Variants in CDC5L observed in about 807,000 individuals in gnomAD.
CDC5L encodes cell division cycle 5 like.
CDC5L carries 18 observed loss-of-function variants against 104.1 expected under a neutral mutation model. That is an observed-to-expected ratio of 0.17 (90% CI 0.12 to 0.26). The LOEUF (loss-of-function observed/expected upper bound fraction) is 0.26. Among genes scored for constraint, CDC5L ranks in the 10% least tolerant of loss-of-function variants. The pLI is 1.00. For missense variants in CDC5L, 673 were observed against 956.9 expected, an observed-to-expected ratio of 0.70 and a Z score of 3.91; for synonymous variants, 331 against 322.7, an observed-to-expected ratio of 1.03 and a Z score of -0.28.
chr6:44,426,430 TTAATA>T (rs1393580673), intron 12 of CDC5L, 47 bp from the exon 13 acceptor site: 2 of 1,060,238 alleles, frequency 1.9e-6, no homozygotes, highest in African/African-American at 3.2e-5. Context: ...GGTAATAACA[TTAATA>T]TATTATAGTG....
At chr6:44,445,571 T>C in intron 14 of CDC5L, 84 bp from the exon 15 acceptor site, 2 of 884,538 alleles carry the variant, frequency 2.3e-6, no homozygotes, top group South Asian at 3.4e-5. Flanking sequence ...GACACATACA[T>C]GAACGCATGG....
At chr6:44,429,580 C>A in intron 13 of CDC5L, 133 bp from the exon 14 acceptor site, 1 of 677,884 alleles carries the variant, frequency 1.5e-6, no homozygotes, top group Admixed American at 2.8e-5. Flanking sequence ...TTGTTATCCA[C>A]CCTTCCAAAA....
At chr6:44,434,421 G>A (rs1442560997) in intron 14 of CDC5L, among the ~76,000 whole-genome samples, 2 of 152,156 alleles carry the variant, frequency 1.3e-5, no homozygotes, top group East Asian at 3.9e-4. Context: ...AAGGTTCACT[G>A]ATAAAAATGC....
In CDC5L at chr6:44,445,835, C is replaced by G; in HGVS notation, c.2272C>G (p.His758Asp). ...ELRTFEELKK[H>D]EDSAIPRRLE... Reference sequence around the variant, plus strand: ...ACGCACTTTTGAAGAACTCAAGAAACATGAAGATTCTGCTATTCCCCGGAG... The same window carrying G: ...ACGCACTTTTGAAGAACTCAAGAAAGATGAAGATTCTGCTATTCCCCGGAG... The change falls in exon 15 of 16, where the codon CAT (histidine) becomes GAT (aspartate). Residue 758 changes from histidine to aspartate, a missense_variant. By Grantham distance (81) the His-to-Asp change is moderately conservative. Coordinates refer to ENST00000371477, the MANE Select transcript of CDC5L (RefSeq NM_001253.4). 1.2e-6 allele frequency: 2 copies of G among 1,613,792 alleles called. No homozygotes were observed. The highest frequency in any genetic ancestry group is 1.7e-6 in the Non-Finnish European group (2 of 1,179,774).
rs1233870440 is a variant in CDC5L at position 44,448,615 on chromosome 6, TAATTC to T, written c.*1907_*1911del. The T allele has an allele frequency of 6.6e-6, 1 of 151,564 alleles. No individual in the cohort carries two copies. The highest frequency in any genetic ancestry group is 1.5e-5 in the Non-Finnish European group (1 of 67,978). The allele number at this position is 151,564 out of a possible 1,614,324, so 9.4% of individuals were successfully genotyped here. On this transcript the variant is annotated 3_prime_UTR_variant, in exon 16 of 16. Coordinates refer to ENST00000371477, the MANE Select transcript of CDC5L (RefSeq NM_001253.4). ...GATATTTTCCTGGTGTGTAGTCACTTAATTCAAATACTTTTTTCAGTAAGTTCTGG... is the reference window on the plus strand; with the variant it reads ...GATATTTTCCTGGTGTGTAGTCACTTAAATACTTTTTTCAGTAAGTTCTGG...
chr6:44,442,375 T>TG (rs1793237534), intron 14 of CDC5L, among the ~76,000 whole-genome samples: 18 of 145,116 alleles, frequency 1.2e-4, no homozygotes, highest in Non-Finnish European at 1.5e-4. Context: ...TGTGTGTATG[T>TG]TGTGTGTGTG....
In CDC5L at chr6:44,422,774, G is replaced by A. The variant is rs141102915; in HGVS notation, c.1369G>A (p.Ala457Thr). The A allele has an allele frequency of 3.8e-5, 61 of 1,612,406 alleles. No individual in the cohort carries two copies. The highest frequency in any genetic ancestry group is 1.0e-4 in the Admixed American group (6 of 59,900). Residue 457 changes from alanine (A) to threonine (T), a missense_variant, in exon 10 of 16, where the codon GCA (alanine) becomes ACA (threonine). Transcript: ENST00000371477. The stretch of plus-strand genomic sequence containing the variant: ...AAACATTAATCCCGAGGATGGAATG[G>A]CAGACTATAGTGATCCCTCTTACGT... ...KLNINPEDGMADYSDPSYVKQ... is the reference protein window; with the variant it reads ...KLNINPEDGMTDYSDPSYVKQ...
At chr6:44,403,311 T>A (rs1366863409) in intron 5 of CDC5L, among the ~76,000 whole-genome samples, 1 of 151,848 alleles carries the variant, frequency 6.6e-6, no homozygotes, top group East Asian at 1.9e-4. Flanking sequence ...TTTGCTCTTT[T>A]TACACCCTTT....
chr6:44,387,716 G>A lies in CDC5L; in HGVS notation c.-108G>A, dbSNP rs1481154148. ...TGCGCTTGCGCAGATCTTCAAAGCA[G>A]AAGGTCGCGCTTGGAGGAAGTGGCG... On this transcript the variant is annotated 5_prime_UTR_variant, in exon 1 of 16. Coordinates refer to ENST00000371477, the MANE Select transcript of CDC5L (RefSeq NM_001253.4). 2 of 983,116 alleles carry A rather than the reference G, an allele frequency of 2.0e-6. No homozygotes were observed. Among genetic ancestry groups the A allele is most frequent in the South Asian group, 1.4e-5 (1 of 72,320 alleles). 60.9% of individuals were successfully genotyped at this position (983,116 alleles called of 1,614,324 possible). A position where few individuals can be genotyped will look rare whatever the true frequency, so the allele number is the denominator to read the frequency against.
intron 14 of CDC5L, among the ~76,000 whole-genome samples, chr6:44,433,311 T>C (rs1792774526): frequency 6.6e-6 from 1 of 152,214 alleles, no homozygotes; most frequent in African/African-American, 2.4e-5. Context: ...CGTTTTCTGA[T>C]GATGCCAGAT....
rs930670024 is a variant in CDC5L at position 44,408,617 on chromosome 6, G to A, written c.1077G>A (p.Gln359=). Residue 359 remains glutamine (Q), a synonymous_variant, in exon 8 of 16, where the codon CAG becomes CAA. Coordinates refer to ENST00000371477, the MANE Select transcript of CDC5L (RefSeq NM_001253.4). ...GAACACCACGAACACCAGCTTCCCA[G>A]GACAGAATTCTGCAGGTAACGTGTC... ...ALRTPRTPAS[Q]DRILQEAQNL... 2 of 1,600,616 alleles carry A rather than the reference G, an allele frequency of 1.2e-6. No individual in the cohort carries two copies. Among genetic ancestry groups the A allele is most frequent in the Non-Finnish European group, 1.7e-6 (2 of 1,170,414 alleles).
chr6:44,425,943 A>G (rs1278715091), intron 11 of CDC5L, among the ~76,000 whole-genome samples, 160 bp from the exon 12 acceptor site: 1 of 151,960 alleles, frequency 6.6e-6, no homozygotes, highest in Admixed American at 6.6e-5. Flanking sequence ...AGACTGATTC[A>G]TTTCTGTTGC....
intron 5 of CDC5L, among the ~76,000 whole-genome samples, chr6:44,403,211 C>A (rs1791209994): frequency 6.6e-6 from 1 of 151,906 alleles, no homozygotes; most frequent in African/African-American, 2.4e-5. Context: ...ACAAATGGTA[C>A]TTGTTAATTT....
At chr6:44,405,417 G>C (rs1435315619) in intron 6 of CDC5L, among the ~76,000 whole-genome samples, 1 of 152,170 alleles carries the variant, frequency 6.6e-6, no homozygotes, top group East Asian at 1.9e-4. Flanking sequence ...TACTAAGTGG[G>C]GGAGGCAAGA....
At chr6:44,404,089 C>A in intron 6 of CDC5L, 62 bp downstream of exon 6, 1 of 1,136,204 alleles carries the variant, frequency 8.8e-7, no homozygotes, top group Non-Finnish European at 1.3e-6. Flanking sequence ...TACGAAGGGC[C>A]AAGTATTATC....
chr6:44,420,928 T>C (rs745382617), intron 9 of CDC5L, among the ~76,000 whole-genome samples: 14 of 152,108 alleles, frequency 9.2e-5, no homozygotes, highest in Non-Finnish European at 1.8e-4. Context: ...TTGCGTAGAC[T>C]CCTCCCTTGT....
At chr6:44,406,557 T>G (rs1189848930) in intron 7 of CDC5L, 90 bp downstream of exon 7, 1 of 1,123,878 alleles carries the variant, frequency 8.9e-7, no homozygotes, top group African/African-American at 1.6e-5. Context: ...TGTACCAGGT[T>G]TGTGCTGGAT....
chr6:44,399,631 A>C (rs1330212450), intron 5 of CDC5L, among the ~76,000 whole-genome samples: 1 of 152,074 alleles, frequency 6.6e-6, no homozygotes, highest in Admixed American at 6.5e-5. Context: ...TCTCTAGTGA[A>C]GTTTACATTT....
intron 13 of CDC5L, among the ~76,000 whole-genome samples, chr6:44,428,578 C>T (rs1048343445): frequency 1.3e-5 from 2 of 152,104 alleles, no homozygotes; most frequent in African/African-American, 2.4e-5. Context: ...ATCATCATTG[C>T]TTGGAAAGCT....
Sources: allele counts gnomAD v4.1 joint callset (sites outside exome capture counted in the v4.1 genomes callset), GRCh38; gene constraint gnomAD v4.1.1; transcripts MANE v1.5; gene names NCBI Gene and HGNC (gene_info 2026-07-23, HGNC 2026-07-21).